GRIA4: variants seen among roughly 807,000 people sequenced by gnomAD.
GRIA4 encodes the protein glutamate receptor 4.
GRIA4 carries 34 observed loss-of-function variants against 104.0 expected under a neutral mutation model. The ratio of observed to expected loss-of-function variants is 0.33; its 90% CI spans 0.25 to 0.44. The LOEUF (loss-of-function observed/expected upper bound fraction) is 0.44, where lower values mean the gene tolerates loss of function less well. Among genes scored for constraint, GRIA4 ranks in the 20% least tolerant of loss-of-function variants. GRIA4 has a pLI of 1.00. For synonymous variants in GRIA4, 386 were observed against 381.9 expected, an observed-to-expected ratio of 1.01 and a Z score of -0.13; for missense variants, 750 against 1,096.5, an observed-to-expected ratio of 0.68 and a Z score of 4.46.
At chr11:105,777,969 C>G (rs1053528678) in intron 4 of GRIA4, among the ~76,000 whole-genome samples, 18 of 152,134 alleles carry the variant, frequency 1.2e-4, no homozygotes, top group African/African-American at 4.3e-4. Flanking sequence ...TTTGGTCCTA[C>G]TTCTTCATTC....
chr11:105,699,973 A>T (rs1202412701), intron 3 of GRIA4, among the ~76,000 whole-genome samples: 1 of 152,212 alleles, frequency 6.6e-6, no homozygotes, highest in Non-Finnish European at 1.5e-5. Context: ...TCACTGTTGT[A>T]TTCTCAGCAC....
Position 105,787,363 on chromosome 11 carries a change from C to T in GRIA4, c.487+34143C>T, listed in dbSNP as rs1232071114. On this transcript the variant is annotated intron_variant, in intron 4 of 16. Transcript: ENST00000282499. ...TAGACCCTCTGAAGCATACAGAAAACGTAAGATACTGTTATAAGTCAGAGA... is the reference window on the plus strand; with the variant it reads ...TAGACCCTCTGAAGCATACAGAAAATGTAAGATACTGTTATAAGTCAGAGA... Among the ~76,000 whole-genome samples, 8 of 151,334 alleles carry T rather than the reference C, an allele frequency of 5.3e-5. No individual in the cohort carries two copies. In the South Asian group the frequency reaches 6.3e-4, roughly 12 times the overall value.
chr11:105,839,762 C>G (rs1044443949), intron 4 of GRIA4, among the ~76,000 whole-genome samples: 7 of 151,960 alleles, frequency 4.6e-5, no homozygotes, highest in African/African-American at 1.7e-4. Flanking sequence ...AATTCTAGTT[C>G]TAGTTCATTA....
intron 7 of GRIA4, among the ~76,000 whole-genome samples, chr11:105,903,589 A>G (rs1428987193): frequency 6.6e-6 from 1 of 152,152 alleles, no homozygotes; most frequent in Non-Finnish European, 1.5e-5. Context: ...ATTTTTCAGA[A>G]TGGTTTTTCT....
intron 3 of GRIA4, among the ~76,000 whole-genome samples, chr11:105,689,441 T>C (rs887397130): frequency 1.3e-5 from 2 of 152,212 alleles, no homozygotes; most frequent in Admixed American, 1.3e-4. Flanking sequence ...TTTAATGACC[T>C]AGAACTTGGA....
intron 3 of GRIA4, among the ~76,000 whole-genome samples, chr11:105,657,982 G>A (rs1236252064): frequency 1.3e-5 from 2 of 151,450 alleles, no homozygotes; most frequent in Non-Finnish European, 2.9e-5. Flanking sequence ...TACCTTTTAA[G>A]TTACTTATCT....
chr11:105,621,955 A>G (rs1401888222), intron 3 of GRIA4, among the ~76,000 whole-genome samples: 3 of 151,638 alleles, frequency 2.0e-5, no homozygotes, highest in African/African-American at 7.3e-5. Flanking sequence ...TGAGAGGCTT[A>G]AGACAATTTT....
At chr11:105,977,509 T>G (rs1859046030) in intron 16 of GRIA4, among the ~76,000 whole-genome samples, 1 of 151,996 alleles carries the variant, frequency 6.6e-6, no homozygotes, top group Non-Finnish European at 1.5e-5. Flanking sequence ...GCTCCCAAAT[T>G]GTTTTCTTTA....
At chr11:105,697,273 G>T (rs978400572) in intron 3 of GRIA4, among the ~76,000 whole-genome samples, 3 of 152,148 alleles carry the variant, frequency 2.0e-5, no homozygotes, top group Non-Finnish European at 4.4e-5. Context: ...AAGAGCTGAT[G>T]AAAGCTAGAG....
At chr11:105,662,361 T>TA (rs1458993857) in intron 3 of GRIA4, among the ~76,000 whole-genome samples, 8 of 151,684 alleles carry the variant, frequency 5.3e-5, no homozygotes, top group Admixed American at 1.3e-4. Context: ...TTTCCACTGA[T>TA]AAAAAATAAC....
chr11:105,737,442 G>T (rs908678612), intron 3 of GRIA4, among the ~76,000 whole-genome samples: 2 of 151,560 alleles, frequency 1.3e-5, no homozygotes, highest in Non-Finnish European at 2.9e-5. Context: ...TCTGTTCCAG[G>T]ATTTTTTGCA....
intron 13 of GRIA4, among the ~76,000 whole-genome samples, chr11:105,933,223 C>T (rs1481459141): frequency 6.6e-6 from 1 of 151,726 alleles, no homozygotes; most frequent in African/African-American, 2.4e-5. Flanking sequence ...GTCTGGGCAA[C>T]TCAGGAAGAC....
intron 14 of GRIA4, among the ~76,000 whole-genome samples, chr11:105,956,629 A>G (rs1233567970): frequency 6.6e-6 from 1 of 152,184 alleles, no homozygotes; most frequent in Non-Finnish European, 1.5e-5. Context: ...ATGCAGTAAC[A>G]GGATGGCTGG....
intron 3 of GRIA4, among the ~76,000 whole-genome samples, chr11:105,709,113 A>G (rs892692716): frequency 1.3e-5 from 2 of 152,116 alleles, no homozygotes; most frequent in African/African-American, 4.8e-5. Flanking sequence ...GAAAATAAGG[A>G]AATGCTTATG....
chr11:105,852,551 C>G (rs1208086238), intron 4 of GRIA4, among the ~76,000 whole-genome samples: 1 of 152,154 alleles, frequency 6.6e-6, no homozygotes, highest in Non-Finnish European at 1.5e-5. Flanking sequence ...CTGATCCCAT[C>G]ATTTGTCACC....
At chr11:105,972,983 C>T (rs1482726805) in intron 15 of GRIA4, among the ~76,000 whole-genome samples, 1 of 152,074 alleles carries the variant, frequency 6.6e-6, no homozygotes, top group African/African-American at 2.4e-5. Flanking sequence ...TTAATGAATC[C>T]CTTTCAGGCC....
intron 4 of GRIA4, among the ~76,000 whole-genome samples, chr11:105,853,634 T>A (rs1944900069): frequency 1.3e-5 from 2 of 152,204 alleles, no homozygotes; most frequent in Non-Finnish European, 2.9e-5. Context: ...ATTTGACTAT[T>A]TTTGATCAGC....
intron 3 of GRIA4, among the ~76,000 whole-genome samples, chr11:105,721,216 G>A (rs1247816708): frequency 6.6e-6 from 1 of 152,046 alleles, no homozygotes; most frequent in Non-Finnish European, 1.5e-5. Flanking sequence ...ACTATTTTAG[G>A]AACGGATCAC....
chr11:105,682,236 T>TG (rs1031261592), intron 3 of GRIA4, among the ~76,000 whole-genome samples: 13 of 152,246 alleles, frequency 8.5e-5, no homozygotes, highest in Non-Finnish European at 1.6e-4. Context: ...ACTTTTGAGA[T>TG]GGGGGGTCTC....
Sources: allele counts gnomAD v4.1 joint callset (sites outside exome capture counted in the v4.1 genomes callset), GRCh38; gene constraint gnomAD v4.1.1; transcripts MANE v1.5; gene names NCBI Gene and HGNC (gene_info 2026-07-23, HGNC 2026-07-21).